Variants in RTN1 observed in about 807,000 individuals in gnomAD.
RTN1 encodes reticulon-1.
A neutral mutation model predicts 65.5 loss-of-function variants in RTN1; 25 were observed. The observed-to-expected ratio is 0.38, with a 90% CI of 0.28 to 0.53. The LOEUF is 0.53. RTN1 is among the 20% of genes least tolerant of loss of function. The pLI, the probability that RTN1 is intolerant of heterozygous loss-of-function variation, is 0.79. For missense variants in RTN1, 983 were observed against 1,025.4 expected, an observed-to-expected ratio of 0.96 and a Z score of 0.57; for synonymous variants, 471 against 447.6, an observed-to-expected ratio of 1.05 and a Z score of -0.66.
At chr14:59,750,051 AT>A (rs1885414830) in intron 1 of RTN1, among the ~76,000 whole-genome samples, 10 of 54,338 alleles carry the variant, frequency 1.8e-4, no homozygotes, top group East Asian at 6.5e-4. Flanking sequence ...TATATATTAT[AT>A]TATATACATA....
At chr14:59,760,109 C>G (rs1354228866) in intron 1 of RTN1, among the ~76,000 whole-genome samples, 15 of 152,114 alleles carry the variant, frequency 9.9e-5, no homozygotes, top group Non-Finnish European at 2.9e-5. Flanking sequence ...TATCCATCAA[C>G]AAAGCCTAGC....
At chr14:59,796,352 C>T (rs61987487) in intron 1 of RTN1, among the ~76,000 whole-genome samples, 3 of 151,966 alleles carry the variant, frequency 2.0e-5, no homozygotes, top group East Asian at 1.9e-4. Context: ...AATCTCAGAA[C>T]GTAGCCCCGT....
intron 3 of RTN1, among the ~76,000 whole-genome samples, chr14:59,629,288 T>G (rs1415651710): frequency 6.6e-6 from 1 of 152,236 alleles, no homozygotes; most frequent in Non-Finnish European, 1.5e-5. Context: ...AGAGGCAAGG[T>G]AAGCAGGCTT....
In RTN1 at chr14:59,849,586, C is replaced by T. The variant is rs1004322433; in HGVS notation, c.241+20804G>A. On this transcript the variant is annotated intron_variant, in intron 1 of 8. Coordinates refer to ENST00000267484, the MANE Select transcript of RTN1 (RefSeq NM_021136.3). The surrounding 1 kb of genome is among the most constrained non-coding windows in gnomAD (Gnocchi z 4.5). The stretch of plus-strand genomic sequence containing the variant: ...TTCAGCCCACAGGCCTGACTCAGCC[C>T]ACTGATTGATTTCATTCAGCTGGGG... 2.6e-5 allele frequency among the ~76,000 whole-genome samples: 4 copies of T among 152,130 alleles called. No homozygotes were observed. Among genetic ancestry groups the T allele is most frequent in the Non-Finnish European group, 4.4e-5 (3 of 68,032 alleles).
chr14:59,710,471 C>G (rs2139456988), intron 3 of RTN1, among the ~76,000 whole-genome samples: 1 of 152,320 alleles, frequency 6.6e-6, no homozygotes, highest in African/African-American at 2.4e-5. Flanking sequence ...TCCTGCTAAC[C>G]TGGCCACAGC....
rs774462442 is a variant in RTN1, at chr14:59,607,388, C to T, written c.1870G>A (p.Val624Met). 7 of 1,614,034 alleles carry T rather than the reference C, an allele frequency of 4.3e-6. No homozygotes were observed. Among genetic ancestry groups the T allele is most frequent in the Admixed American group, 1.7e-5 (1 of 60,022 alleles). Residue 624 changes from valine to methionine, a missense_variant, in exon 4 of 9, where the codon GTG becomes ATG. Around this residue, in one of 2 missense-constraint regions of RTN1, gnomAD observed 165 missense variants for 223.6 expected, o/e 0.74. Coordinates refer to ENST00000267484, the MANE Select transcript of RTN1 (RefSeq NM_021136.3). Reference protein sequence around the residue: ...SLTQFSVVSVVAYLALAALSA... With the variant: ...SLTQFSVVSVMAYLALAALSA... ...AGTGCGGCCAGGGCCAGGTAGGCCA[C>T]GACGCTCACCACGCTGAACTGGGTC...
rs1387982452 is a variant in RTN1 at position 59,723,632 on chromosome 14, T to C, written c.1765+3287A>G. Among the ~76,000 whole-genome samples, 4 of 151,650 alleles carry C rather than the reference T, an allele frequency of 2.6e-5. No individual in the cohort carries two copies. In the East Asian group the frequency reaches 7.7e-4, roughly 29 times the overall value. On this transcript the variant is annotated intron_variant, in intron 3 of 8. Coordinates refer to ENST00000267484, the MANE Select transcript of RTN1 (RefSeq NM_021136.3). ...CTCCGTCTCAAAATAAATAAATAAA[T>C]AAAAATAAATTAAAAAAAATAAAAC...
At chr14:59,732,621 G>A (rs1884923014) in intron 2 of RTN1, among the ~76,000 whole-genome samples, 1 of 152,154 alleles carries the variant, frequency 6.6e-6, no homozygotes, top group Non-Finnish European at 1.5e-5. Flanking sequence ...CCCTCATGAG[G>A]GCCACCAGGG....
intron 1 of RTN1, among the ~76,000 whole-genome samples, chr14:59,833,842 G>T (rs1476686366): frequency 1.3e-5 from 2 of 152,130 alleles, no homozygotes; most frequent in Non-Finnish European, 2.9e-5. Context: ...ACTCCCCAAA[G>T]CAAATGCTAT....
chr14:59,763,535 T>C lies in RTN1; in HGVS notation c.242-17054A>G, dbSNP rs539717908. Among the ~76,000 whole-genome samples, 347 of 147,242 alleles carry C rather than the reference T, an allele frequency of 2.4e-3. 2 individuals are homozygous for C. Among genetic ancestry groups the C allele is most frequent in the African/African-American group, 7.1e-3 (285 of 40,320 alleles). On this transcript the variant is annotated intron_variant, in intron 1 of 8. Transcript: ENST00000267484. ...AACAATAACACAATTTTCTTTCTTT[T>C]TTTTTTTTTTTTTTTGAGACAGAGT...
intron 3 of RTN1, among the ~76,000 whole-genome samples, chr14:59,688,390 C>G (rs1044809367): frequency 6.6e-6 from 1 of 152,206 alleles, no homozygotes; most frequent in African/African-American, 2.4e-5. Flanking sequence ...TGGCTGCCCA[C>G]TGGGTTCTCC....
chr14:59,650,677 A>G (rs1883001619), intron 3 of RTN1, among the ~76,000 whole-genome samples: 1 of 152,226 alleles, frequency 6.6e-6, no homozygotes, highest in Non-Finnish European at 1.5e-5. Flanking sequence ...AAAGAATAAA[A>G]CACCCAGGAA....
chr14:59,630,566 C>T (rs1244622201), intron 3 of RTN1: 2 of 1,606,236 alleles, frequency 1.2e-6, no homozygotes, highest in African/African-American at 2.7e-5. Flanking sequence ...TGCACTCAAG[C>T]GTTGGTGCCC....
chr14:59,761,333 G>C, intron 1 of RTN1, among the ~76,000 whole-genome samples: 1 of 152,144 alleles, frequency 6.6e-6, no homozygotes, highest in Non-Finnish European at 1.5e-5. Context: ...GGTTTCCCCC[G>C]TACTGTTCTC....
At chr14:59,854,600 C>T (rs1887569580) in intron 1 of RTN1, among the ~76,000 whole-genome samples, 1 of 138,756 alleles carries the variant, frequency 7.2e-6, no homozygotes, top group Non-Finnish European at 1.5e-5. Context: ...GAGATCATGC[C>T]ACTGCACTCC....
chr14:59,713,251 G>A (rs968805302), intron 3 of RTN1, among the ~76,000 whole-genome samples: 1 of 152,162 alleles, frequency 6.6e-6, no homozygotes, highest in Non-Finnish European at 1.5e-5. Context: ...TTGAGGGAGG[G>A]AATCTAGACA....
In RTN1 at chr14:59,846,439, C is replaced by T. The variant is rs1887411965; in HGVS notation, c.241+23951G>A. On this transcript the variant is annotated intron_variant, in intron 1 of 8. Coordinates refer to ENST00000267484, the MANE Select transcript of RTN1 (RefSeq NM_021136.3). The surrounding 1 kb of genome is among the most constrained non-coding windows in gnomAD (Gnocchi z 4.8). ...ACGTGTGTACACACACACGTGTGTACCACACACATCCACACTCATCTGTCA... is the reference window on the plus strand; with the variant it reads ...ACGTGTGTACACACACACGTGTGTATCACACACATCCACACTCATCTGTCA... 6.6e-6 allele frequency among the ~76,000 whole-genome samples: 1 copy of T among 152,032 alleles called. No homozygotes were observed. Among genetic ancestry groups the T allele is most frequent in the Non-Finnish European group, 1.5e-5 (1 of 68,004 alleles).
intron 2 of RTN1, among the ~76,000 whole-genome samples, chr14:59,728,833 G>A (rs1438186518): frequency 2.6e-5 from 4 of 152,032 alleles, no homozygotes; most frequent in African/African-American, 9.7e-5. Flanking sequence ...TATGTGTTAG[G>A]CCCTTTTCTA....
At chr14:59,737,120 T>A (rs1182487486) in intron 2 of RTN1, among the ~76,000 whole-genome samples, 1 of 152,160 alleles carries the variant, frequency 6.6e-6, no homozygotes, top group Non-Finnish European at 1.5e-5. Context: ...AAGGATGCCC[T>A]CTCTCACCAC....
Sources: gnomAD v4.1 joint callset for allele counts (sites outside exome capture counted in the v4.1 genomes callset) on GRCh38, gnomAD v4.1.1 for gene constraint, gnomAD v4.1.1 regional missense constraint, Gnocchi (gnomAD v3.1) non-coding constraint, MANE v1.5 for transcripts, NCBI Gene and HGNC (gene_info 2026-07-23, HGNC 2026-07-21) for gene names.